THADA: variants seen among roughly 807,000 people sequenced by gnomAD.
THADA encodes the protein tRNA (32-2'-O)-methyltransferase regulator THADA.
A neutral mutation model predicts 219.8 loss-of-function variants in THADA; 213 were observed. The ratio of observed to expected loss-of-function variants is 0.97; its 90% CI spans 0.87 to 1.09. The LOEUF is 1.09. Ranked by LOEUF, THADA falls within the 50% of genes least tolerant of loss-of-function variation. The probability of loss-of-function intolerance (pLI) is 0.00; values close to 1 mark genes in which losing one functional copy is unlikely to be tolerated. For missense variants in THADA, 2,956 were observed against 2,311.3 expected (o/e 1.28, Z -5.72); for synonymous variants, 1,018 against 828.9 (o/e 1.23, Z -3.92).
At chr2:43,393,593 A>G (rs1673669585) in intron 29 of THADA, among the ~76,000 whole-genome samples, 1 of 152,028 alleles carries the variant, frequency 6.6e-6, no homozygotes, top group South Asian at 2.1e-4. Flanking sequence ...CTGTAATCCA[A>G]GCTACTCGGG....
intron 31 of THADA, among the ~76,000 whole-genome samples, chr2:43,313,829 T>C (rs1329867211): frequency 1.3e-5 from 2 of 152,226 alleles, no homozygotes; most frequent in East Asian, 1.9e-4. Context: ...GAGTGACTGA[T>C]GTTTCCTGAC....
intron 16 of THADA, among the ~76,000 whole-genome samples, chr2:43,559,028 T>C (rs1481785119): frequency 6.6e-6 from 1 of 152,212 alleles, no homozygotes; most frequent in Non-Finnish European, 1.5e-5. Context: ...TTCACATTTA[T>C]GCCATAATAT....
chr2:43,522,112 T>C (rs1320118966), intron 22 of THADA, among the ~76,000 whole-genome samples: 6 of 152,230 alleles, frequency 3.9e-5, no homozygotes, highest in African/African-American at 1.4e-4. Context: ...ATTTATTATT[T>C]CAAAGTTCAT....
At chr2:43,529,998 T>C (rs532688549) in intron 21 of THADA, among the ~76,000 whole-genome samples, 21 of 152,208 alleles carry the variant, frequency 1.4e-4, no homozygotes, top group African/African-American at 5.1e-4. Context: ...TCAATATGAG[T>C]TCTGACTAGG....
intron 30 of THADA, among the ~76,000 whole-genome samples, chr2:43,337,161 C>T (rs963798987): frequency 2.6e-5 from 4 of 152,256 alleles, no homozygotes; most frequent in Non-Finnish European, 5.9e-5. Flanking sequence ...TGACACTGCA[C>T]AGCAGGCCTG....
At position 43,498,914 on chromosome 2, in the gene THADA, C is replaced by T. The variant is rs760253934; in HGVS notation, c.3663G>A (p.Thr1221=). The change falls in exon 25 of 38, where the codon ACG becomes ACA. Residue 1221 remains threonine (T), a synonymous_variant. Coordinates refer to ENST00000405975, the MANE Select transcript of THADA (RefSeq NM_022065.5). ...LNILRALFRD[T]RLGENIIPYV... is the part of the protein sequence containing the mutation. ...AAGGAATAATATTTTCTCCCAGGCG[C>T]GTATCTCTGAACAATGCTCTAAGGA... The T allele has an allele frequency of 1.9e-5, 31 of 1,594,724 alleles. No homozygotes were observed. The highest frequency in any genetic ancestry group is 4.5e-5 in the East Asian group (2 of 44,458).
chr2:43,274,998 C>CTTTTTTTT (rs1002469067), intron 36 of THADA, among the ~76,000 whole-genome samples: 1 of 66,298 alleles, frequency 1.5e-5, no homozygotes, highest in African/African-American at 4.8e-5. Flanking sequence ...CTTTTCTTTT[C>CTTTTTTTT]TTTTTTTTTT....
At chr2:43,445,458 AT>A (rs1233949731) in intron 26 of THADA, among the ~76,000 whole-genome samples, 1 of 152,116 alleles carries the variant, frequency 6.6e-6, no homozygotes, top group Non-Finnish European at 1.5e-5. Flanking sequence ...CAGAAAAGAG[AT>A]GTCAGGAGTC....
At chr2:43,498,474 C>A (rs558891769) in intron 25 of THADA, among the ~76,000 whole-genome samples, 2 of 152,000 alleles carry the variant, frequency 1.3e-5, no homozygotes, top group Non-Finnish European at 2.9e-5. Flanking sequence ...GTAACAATAA[C>A]AGCACATAGA....
At chr2:43,479,479 A>G (rs115011201) in intron 26 of THADA, among the ~76,000 whole-genome samples, 1,992 of 152,240 alleles carry the variant, frequency 0.013, 38 homozygotes, top group African/African-American at 0.046. Flanking sequence ...AAAGATATCA[A>G]TGAAAGACAT....
chr2:43,431,646 T>TATTGGAGATGGGG (rs1558750542), intron 26 of THADA, among the ~76,000 whole-genome samples: 48 of 34,688 alleles, frequency 1.4e-3, no homozygotes, highest in South Asian at 7.7e-3. Flanking sequence ...TTTGTACTTT[T>TATTGGAGATGGGG]TTTTTTTTTT....
At chr2:43,518,300 G>A (rs972350095) in intron 22 of THADA, among the ~76,000 whole-genome samples, 2 of 152,158 alleles carry the variant, frequency 1.3e-5, no homozygotes, top group African/African-American at 2.4e-5. Context: ...AGAAAAGAAA[G>A]TACAAACAAA....
chr2:43,240,174 G>A (rs952484928), intron 36 of THADA, among the ~76,000 whole-genome samples: 8 of 152,348 alleles, frequency 5.3e-5, no homozygotes, highest in African/African-American at 1.9e-4. Context: ...ACAACCGAGA[G>A]GCAGTGAGGA....
chr2:43,532,580 T>C (rs1316933657), intron 21 of THADA, among the ~76,000 whole-genome samples: 1 of 152,072 alleles, frequency 6.6e-6, no homozygotes, highest in African/African-American at 2.4e-5. Context: ...CTCAATAAAC[T>C]AGGTATTGAT....
At chr2:43,456,710 C>T (rs1374613130) in intron 26 of THADA, among the ~76,000 whole-genome samples, 1 of 152,162 alleles carries the variant, frequency 6.6e-6, no homozygotes, top group Admixed American at 6.6e-5. Flanking sequence ...GAACAAATTA[C>T]ACACACATTG....
intron 28 of THADA, among the ~76,000 whole-genome samples, chr2:43,422,985 T>C (rs1677911209): frequency 6.6e-6 from 1 of 152,204 alleles, no homozygotes; most frequent in Non-Finnish European, 1.5e-5. Context: ...GCATCAGACA[T>C]ACAAAATGAT....
rs1677210529 is a variant in THADA at position 43,309,189 on chromosome 2, T to C, written c.4438+11257A>G. On this transcript the variant is annotated intron_variant, in intron 31 of 37. Coordinates refer to ENST00000405975, the MANE Select transcript of THADA (RefSeq NM_022065.5). Reference sequence around the variant, plus strand: ...GGCACTTTACCAAAAAAGACATACATAGTCAAACATGACACATGAAAAGAT... The same window carrying C: ...GGCACTTTACCAAAAAAGACATACACAGTCAAACATGACACATGAAAAGAT... Among the ~76,000 whole-genome samples, 3 of 152,306 alleles carry C rather than the reference T, an allele frequency of 2.0e-5. No individual in the cohort carries two copies. In the South Asian group the frequency reaches 6.2e-4, roughly 32 times the overall value.
chr2:43,556,891 C>T (rs998444677), intron 16 of THADA, among the ~76,000 whole-genome samples: 1 of 152,060 alleles, frequency 6.6e-6, no homozygotes, highest in Admixed American at 6.6e-5. Flanking sequence ...CACGGTGAGA[C>T]AAAAAACTTA....
intron 29 of THADA, among the ~76,000 whole-genome samples, chr2:43,365,407 C>T (rs533134426): frequency 6.6e-6 from 1 of 151,892 alleles, no homozygotes; most frequent in Non-Finnish European, 1.5e-5. Context: ...CCCGTCTCCA[C>T]TAAAAATACA....
Sources: gnomAD v4.1 joint callset for allele counts (sites outside exome capture counted in the v4.1 genomes callset) on GRCh38, gnomAD v4.1.1 for gene constraint, MANE v1.5 for transcripts, NCBI Gene and HGNC (gene_info 2026-07-23, HGNC 2026-07-21) for gene names.